Variants in BRWD1 observed in about 807,000 individuals in gnomAD.
BRWD1 encodes bromodomain and WD repeat domain containing 1.
In BRWD1, 82 loss-of-function variants were observed where a neutral mutation model predicts 251.2. That is an observed-to-expected ratio of 0.33 (90% CI 0.27 to 0.39). The LOEUF (loss-of-function observed/expected upper bound fraction) is 0.39. Ranked by LOEUF, BRWD1 falls within the 10% of genes least tolerant of loss-of-function variation. The pLI is 1.00. For missense variants in BRWD1, 2,233 were observed against 2,711.6 expected (o/e 0.82, Z 3.92); for synonymous variants, 918 against 902.8 (o/e 1.02, Z -0.30).
chr21:39,256,478 C>T (rs1285492714), intron 18 of BRWD1, among the ~76,000 whole-genome samples: 2 of 152,140 alleles, frequency 1.3e-5, no homozygotes, highest in Admixed American at 6.5e-5. Context: ...AAATGCCAGT[C>T]GTGCTTAAAC....
intron 11 of BRWD1, 80 bp from the exon 12 acceptor site, chr21:39,276,293 G>T: frequency 1.5e-6 from 2 of 1,335,362 alleles, no homozygotes; most frequent in Non-Finnish European, 1.0e-6. Flanking sequence ...TTTAATGCTA[G>T]AAGCCTATTT....
chr21:39,245,444 G>T (rs1251072709), intron 21 of BRWD1, among the ~76,000 whole-genome samples: 4 of 152,034 alleles, frequency 2.6e-5, no homozygotes, highest in Non-Finnish European at 5.9e-5. Context: ...CAAAGTAAAA[G>T]AATTTGGATT....
chr21:39,274,979 G>A (rs2035234810), intron 12 of BRWD1, among the ~76,000 whole-genome samples: 1 of 151,978 alleles, frequency 6.6e-6, no homozygotes, highest in Admixed American at 6.6e-5. Context: ...GGGGGAGGTT[G>A]CAGTGCAGTG....
At chr21:39,243,141 G>A (rs1185867343) in intron 21 of BRWD1, among the ~76,000 whole-genome samples, 1 of 152,068 alleles carries the variant, frequency 6.6e-6, no homozygotes, top group Non-Finnish European at 1.5e-5. Flanking sequence ...CCAGTAGTGG[G>A]ACAAAACAAA....
chr21:39,292,761 A>C (rs1229900646), intron 8 of BRWD1, among the ~76,000 whole-genome samples: 1 of 152,198 alleles, frequency 6.6e-6, no homozygotes, highest in African/African-American at 2.4e-5. Flanking sequence ...TTTTTTTTAA[A>C]CTGCATAGAT....
rs146933378 is a variant in BRWD1 at position 39,195,874 on chromosome 21, CA to C, written c.*384del. ...TGAAATTGTTGTAACTACTATAGAA[CA>C]GGGGTTAGAAACTACTGCCTCTTTG... On this transcript the variant is annotated 3_prime_UTR_variant, in exon 41 of 41. Transcript: ENST00000342449. 6.4e-4 allele frequency: 635 copies of C among 996,682 alleles called. 5 individuals are homozygous for C. The African/African-American group carries it at 0.01, about 16-fold the overall frequency. The allele number at this position is 996,682 out of a possible 1,614,324, so 61.7% of individuals were successfully genotyped here. A position where few individuals can be genotyped will look rare whatever the true frequency, so the allele number is the denominator to read the frequency against.
rs2032752039 is a variant in BRWD1, at chr21:39,213,464, A to T, written c.3858+17T>A. ...TGAAATTAACAAAAACCATTATAAA[A>T]TCAACAAACTTCATACCAAATCCTC... On this transcript the variant is annotated intron_variant, in intron 33 of 40. Transcript: ENST00000342449. The T allele has an allele frequency of 3.1e-6, 5 of 1,600,224 alleles. No homozygotes were observed. The highest frequency in any genetic ancestry group is 4.3e-6 in the Non-Finnish European group (5 of 1,172,248).
chr21:39,227,204 A>G (rs1363725807), intron 27 of BRWD1, among the ~76,000 whole-genome samples: 1 of 152,144 alleles, frequency 6.6e-6, no homozygotes, highest in African/African-American at 2.4e-5. Context: ...TAGAAAGATC[A>G]ATGTCTTAAC....
At position 39,186,914 on chromosome 21, in the gene BRWD1, T is replaced by G; in HGVS notation, c.*9345A>C. On this transcript the variant is annotated 3_prime_UTR_variant, in exon 41 of 41. Transcript: ENST00000342449. The stretch of plus-strand genomic sequence containing the variant: ...CACTGGATTATGGCTTTTAGAAAAT[T>G]CCTCCAAAGATGCCAATAAGGGAGT... 1 of 1,477,396 alleles carries G rather than the reference T, an allele frequency of 6.8e-7. No homozygotes were observed. The allele number at this position is 1,477,396 out of a possible 1,614,324, so 91.5% of individuals were successfully genotyped here. A position where few individuals can be genotyped will look rare whatever the true frequency, so the allele number is the denominator to read the frequency against.
rs2031797471 is a variant in BRWD1 at position 39,196,120 on chromosome 21, T to C, written c.*139A>G. ...GTGCAAATAAAAATAACAGTCATGA[T>C]TTAGTCACATTCATAACTTTTCATA... On this transcript the variant is annotated 3_prime_UTR_variant, in exon 41 of 41. Transcript: ENST00000342449. The C allele has an allele frequency of 7.0e-7, 1 of 1,430,032 alleles. No individual in the cohort carries two copies. The highest frequency in any genetic ancestry group is 9.1e-7 in the Non-Finnish European group (1 of 1,098,640). 88.6% of individuals were successfully genotyped at this position (1,430,032 alleles called of 1,614,324 possible). A position where few individuals can be genotyped will look rare whatever the true frequency, so the allele number is the denominator to read the frequency against.
chr21:39,295,712 A>C, intron 7 of BRWD1, 31 bp downstream of exon 7: 1 of 1,507,262 alleles, frequency 6.6e-7, no homozygotes. Context: ...ACTCTAGATG[A>C]CATCAAATCA....
chr21:39,285,312 G>A lies in BRWD1; in HGVS notation c.832-5064C>T, dbSNP rs181777647. On this transcript the variant is annotated intron_variant, in intron 8 of 40. Coordinates refer to ENST00000342449, the MANE Select transcript of BRWD1 (RefSeq NM_033656.4). The stretch of plus-strand genomic sequence containing the variant: ...GAGAATAGAACAGTGGTTACCTATG[G>A]CTGGGGAGTATGGGGGAAGGGGGGG... 6.6e-5 allele frequency among the ~76,000 whole-genome samples: 10 copies of A among 152,254 alleles called. 1 individual carries two copies. The highest frequency in any genetic ancestry group is 2.4e-4 in the African/African-American group (10 of 41,554).
Position 39,186,135 on chromosome 21 carries a change from T to C in BRWD1, c.*10124A>G, listed in dbSNP as rs1169658557. 6.6e-6 allele frequency: 1 copy of C among 152,210 alleles called. No individual in the cohort carries two copies. Among genetic ancestry groups the C allele is most frequent in the African/African-American group, 2.4e-5 (1 of 41,450 alleles). The allele number at this position is 152,210 out of a possible 1,614,324, so 9.4% of individuals were successfully genotyped here. ...GAGAAACATAAAAGATTTCACTGTA[T>C]CTAAAAATATGACTGTTTTGATCTT... is the stretch of plus-strand genomic sequence containing the variant. On this transcript the variant is annotated 3_prime_UTR_variant, in exon 41 of 41. Transcript: ENST00000342449.
chr21:39,277,391 A>G (rs1457051299), intron 10 of BRWD1, 40 bp from the exon 11 acceptor site: 1 of 1,254,774 alleles, frequency 8.0e-7, no homozygotes, highest in Non-Finnish European at 1.1e-6. Flanking sequence ...CCAGTTTATA[A>G]CAAATACCTG....
In BRWD1 at chr21:39,187,815, A is replaced by T. The variant is rs1425465129; in HGVS notation, c.*8444T>A. 2 of 985,298 alleles carry T rather than the reference A, an allele frequency of 2.0e-6. No homozygotes were observed. Among genetic ancestry groups the T allele is most frequent in the Non-Finnish European group, 2.4e-6 (2 of 829,908 alleles). The allele number at this position is 985,298 out of a possible 1,614,324, so 61.0% of individuals were successfully genotyped here. A position where few individuals can be genotyped will look rare whatever the true frequency, so the allele number is the denominator to read the frequency against. On this transcript the variant is annotated 3_prime_UTR_variant, in exon 41 of 41. Transcript: ENST00000342449. The stretch of plus-strand genomic sequence containing the variant: ...GATTCAGATTAAAATTCTAAAAAAT[A>T]ACACAGAGTTGCTTTAAGGAACCAA...
intron 15 of BRWD1, among the ~76,000 whole-genome samples, chr21:39,269,690 A>C (rs1426214251): frequency 6.6e-6 from 1 of 152,212 alleles, no homozygotes; most frequent in African/African-American, 2.4e-5. Flanking sequence ...TAACTTAAAA[A>C]TGTCTCCCTC....
rs904979665 is a variant in BRWD1, at chr21:39,193,603, T to C, written c.*2656A>G. 2 of 985,468 alleles carry C rather than the reference T, an allele frequency of 2.0e-6. No homozygotes were observed. Among genetic ancestry groups the C allele is most frequent in the African/African-American group, 1.7e-5 (1 of 57,310 alleles). 61.0% of individuals were successfully genotyped at this position (985,468 alleles called of 1,614,324 possible). A position where few individuals can be genotyped will look rare whatever the true frequency, so the allele number is the denominator to read the frequency against. On this transcript the variant is annotated 3_prime_UTR_variant, in exon 41 of 41. Transcript: ENST00000342449. ...GGACTTTGGACATACACAACCAAAG[T>C]AGTTTTTGTTTTTCACATACACCAT... is the stretch of plus-strand genomic sequence containing the variant.
At chr21:39,319,180 G>A (rs2036725739) in intron 1 of BRWD1, among the ~76,000 whole-genome samples, 1 of 152,154 alleles carries the variant, frequency 6.6e-6, no homozygotes, top group Non-Finnish European at 1.5e-5. Flanking sequence ...CCACCTACTA[G>A]TGGTGTCATC....
chr21:39,189,516 T>C lies in BRWD1; in HGVS notation c.*6743A>G. 1 of 981,688 alleles carries C rather than the reference T, an allele frequency of 1.0e-6. No homozygotes were observed. Among genetic ancestry groups the C allele is most frequent in the Non-Finnish European group, 1.2e-6 (1 of 826,614 alleles). 60.8% of individuals were successfully genotyped at this position (981,688 alleles called of 1,614,324 possible). On this transcript the variant is annotated 3_prime_UTR_variant, in exon 41 of 41. Coordinates refer to ENST00000342449, the MANE Select transcript of BRWD1 (RefSeq NM_033656.4). ...AAACTAAAATCAGGTTTTTAAAAAA[T>C]ACTTAAGGAAATTTGAACTTCAGTA...
Sources: allele counts gnomAD v4.1 joint callset (sites outside exome capture counted in the v4.1 genomes callset), GRCh38; gene constraint gnomAD v4.1.1; transcripts MANE v1.5; gene names NCBI Gene and HGNC (gene_info 2026-07-23, HGNC 2026-07-21).